The following RANBP17 variants were observed in gnomAD, a reference collection of about 807,000 sequenced individuals.
RANBP17 encodes ran-binding protein 17.
A neutral mutation model predicts 141.2 loss-of-function variants in RANBP17; 158 were observed. That is an observed-to-expected ratio of 1.12 (90% CI 0.98 to 1.28). The LOEUF is 1.28. RANBP17 is among the 50% of genes most tolerant of loss of function. The probability of loss-of-function intolerance (pLI) is 0.00; values close to 1 mark genes in which losing one functional copy is unlikely to be tolerated. For synonymous variants in RANBP17, 430 were observed against 450.0 expected (o/e 0.96, Z 0.56); for missense variants, 1,438 against 1,290.7 (o/e 1.11, Z -1.75).
rs1265758020 is a variant in RANBP17 at position 171,205,611 on chromosome 5, A to G, written c.2230A>G (p.Met744Val). The G allele has an allele frequency of 1.2e-6, 2 of 1,611,272 alleles. No individual in the cohort carries two copies. The highest frequency in any genetic ancestry group is 1.7e-5 in the Admixed American group (1 of 59,942). Residue 744 changes from methionine (M) to valine (V), a missense_variant and splice_region_variant, in exon 20 of 28, where the codon ATG becomes GTG. Transcript: ENST00000523189. ...CAGCTACACCATGCTGTTTGACTGGATGTATCCTTATTACACTGTGACAAT... is the reference window on the plus strand; with the variant it reads ...CAGCTACACCATGCTGTTTGACTGGGTGTATCCTTATTACACTGTGACAAT... Reference protein sequence around the residue: ...KTSYTMLFDWMYPTYLPLLQN... With the variant: ...KTSYTMLFDWVYPTYLPLLQN...
At chr5:170,931,887 C>G (rs530989622) in intron 12 of RANBP17, among the ~76,000 whole-genome samples, 1 of 152,070 alleles carries the variant, frequency 6.6e-6, no homozygotes, top group Non-Finnish European at 1.5e-5. Flanking sequence ...CTTGGCAATG[C>G]GGGCTCTTTT....
chr5:171,022,326 G>C (rs1275843723), intron 14 of RANBP17, among the ~76,000 whole-genome samples: 1 of 152,218 alleles, frequency 6.6e-6, no homozygotes, highest in East Asian at 1.9e-4. Context: ...CCTTGGTGGT[G>C]GGGTGTGCTT....
At chr5:171,002,230 A>C (rs1779259363) in intron 14 of RANBP17, among the ~76,000 whole-genome samples, 1 of 152,096 alleles carries the variant, frequency 6.6e-6, no homozygotes, top group Admixed American at 6.6e-5. Context: ...TCCTTGGTCC[A>C]AGAACCATTT....
At chr5:170,951,330 G>A (rs1190448690) in intron 12 of RANBP17, among the ~76,000 whole-genome samples, 2 of 151,966 alleles carry the variant, frequency 1.3e-5, no homozygotes, top group South Asian at 2.1e-4. Flanking sequence ...AGTATCACAT[G>A]TACCCCACAA....
At chr5:171,100,987 T>A (rs1787117116) in intron 14 of RANBP17, among the ~76,000 whole-genome samples, 1 of 152,248 alleles carries the variant, frequency 6.6e-6, no homozygotes, top group South Asian at 2.1e-4. Context: ...ATTTCTGTTC[T>A]TTTGCATTTG....
At chr5:171,075,702 C>T (rs995298387) in intron 14 of RANBP17, among the ~76,000 whole-genome samples, 1 of 152,118 alleles carries the variant, frequency 6.6e-6, no homozygotes, top group Non-Finnish European at 1.5e-5. Context: ...CCTGTAATCC[C>T]AGCACTTTGG....
At chr5:171,178,977 G>A (rs536575034) in intron 16 of RANBP17, among the ~76,000 whole-genome samples, 1 of 152,108 alleles carries the variant, frequency 6.6e-6, no homozygotes, top group Non-Finnish European at 1.5e-5. Flanking sequence ...TAGGTTGCCT[G>A]TTCACTCTGA....
chr5:170,940,615 T>C (rs923164793), intron 12 of RANBP17, among the ~76,000 whole-genome samples: 1 of 152,174 alleles, frequency 6.6e-6, no homozygotes, highest in Non-Finnish European at 1.5e-5. Context: ...AAATTGATAG[T>C]CGTGCAGGGA....
intron 20 of RANBP17, among the ~76,000 whole-genome samples, chr5:171,208,945 C>T (rs1762725450): frequency 6.6e-6 from 1 of 152,176 alleles, no homozygotes; most frequent in South Asian, 2.1e-4. Context: ...CCCATTTGCT[C>T]ACTTATTCAG....
At position 170,909,653 on chromosome 5, in the gene RANBP17, C is replaced by A; in HGVS notation, c.490-8C>A. The A allele has an allele frequency of 2.9e-6, 3 of 1,025,162 alleles. No homozygotes were observed. Among genetic ancestry groups the A allele is most frequent in the South Asian group, 2.3e-5 (1 of 43,540 alleles). The allele number at this position is 1,025,162 out of a possible 1,614,324, so 63.5% of individuals were successfully genotyped here. ...CTGGTTAAACTAATTTCATCTTTAT[C>A]TTTTTAGGTTGATTATTCTAGACCT... On this transcript the variant is annotated splice_polypyrimidine_tract_variant and splice_region_variant and intron_variant, in intron 5 of 27. Coordinates refer to ENST00000523189, the MANE Select transcript of RANBP17 (RefSeq NM_022897.5).
intron 13 of RANBP17, among the ~76,000 whole-genome samples, chr5:170,959,766 A>G (rs1161940185): frequency 6.6e-6 from 1 of 152,224 alleles, no homozygotes. Context: ...AGAAAACCAT[A>G]AGGAAGAAAA....
intron 22 of RANBP17, among the ~76,000 whole-genome samples, chr5:171,236,600 T>G (rs1001218489): frequency 6.6e-6 from 1 of 152,176 alleles, no homozygotes; most frequent in African/African-American, 2.4e-5. Context: ...CCTCCTCTTT[T>G]TGAGGCTATA....
At chr5:170,965,460 T>G (rs1776486459) in intron 13 of RANBP17, among the ~76,000 whole-genome samples, 1 of 152,210 alleles carries the variant, frequency 6.6e-6, no homozygotes, top group Non-Finnish European at 1.5e-5. Flanking sequence ...GTTTTAGAAA[T>G]GAAGTCCTTG....
chr5:170,912,814 A>G (rs1581129358), intron 7 of RANBP17, among the ~76,000 whole-genome samples: 1 of 152,012 alleles, frequency 6.6e-6, no homozygotes, highest in Non-Finnish European at 1.5e-5. Flanking sequence ...GTACCCCAAA[A>G]TGTTCTGAGT....
intron 13 of RANBP17, 113 bp downstream of exon 13, chr5:170,953,815 T>G (rs113497253): frequency 3.0e-6 from 2 of 669,322 alleles, no homozygotes; most frequent in Non-Finnish European, 5.1e-6. Context: ...GAGGAAGGTA[T>G]TATTTCCCTT....
At chr5:171,294,371 C>T (rs1189339740) in intron 26 of RANBP17, among the ~76,000 whole-genome samples, 1 of 152,184 alleles carries the variant, frequency 6.6e-6, no homozygotes, top group African/African-American at 2.4e-5. Flanking sequence ...ACAGCAGCAG[C>T]CCATCAGGCA....
chr5:171,174,968 A>G (rs1264357873), intron 16 of RANBP17, among the ~76,000 whole-genome samples: 1 of 151,804 alleles, frequency 6.6e-6, no homozygotes, highest in Admixed American at 6.6e-5. Context: ...ACCCCCCTAC[A>G]GGCCCTGGTG....
chr5:171,272,027 A>G (rs1767147592), intron 25 of RANBP17, among the ~76,000 whole-genome samples: 1 of 152,222 alleles, frequency 6.6e-6, no homozygotes, highest in Non-Finnish European at 1.5e-5. Flanking sequence ...AAAGAAAGAG[A>G]TCATGTCCTT....
At chr5:171,009,797 C>A (rs1475980901) in intron 14 of RANBP17, among the ~76,000 whole-genome samples, 1 of 151,978 alleles carries the variant, frequency 6.6e-6, no homozygotes, top group African/African-American at 2.4e-5. Context: ...ACAATTATAA[C>A]CTCTGGACAA....
Sources: gnomAD v4.1 joint callset for allele counts (sites outside exome capture counted in the v4.1 genomes callset) on GRCh38, gnomAD v4.1.1 for gene constraint, MANE v1.5 for transcripts, NCBI Gene and HGNC (gene_info 2026-07-23, HGNC 2026-07-21) for gene names.